ZMYM6: variants seen among roughly 807,000 people sequenced by gnomAD.
ZMYM6 encodes zinc finger MYM-type protein 6.
In ZMYM6, 90 loss-of-function variants were observed where a neutral mutation model predicts 134.0. That is an observed-to-expected ratio of 0.67 (90% CI 0.57 to 0.80). The LOEUF (loss-of-function observed/expected upper bound fraction) is 0.80, where lower values mean the gene tolerates loss of function less well. Ranked by LOEUF, ZMYM6 falls within the 30% of genes least tolerant of loss-of-function variation. The pLI is 0.00. For synonymous variants in ZMYM6, 481 were observed against 524.1 expected, an observed-to-expected ratio of 0.92 and a Z score of 1.12; for missense variants, 1,362 against 1,533.9, an observed-to-expected ratio of 0.89 and a Z score of 1.87.
intron 2 of ZMYM6, among the ~76,000 whole-genome samples, chr1:35,025,524 A>G (rs1212021137): frequency 6.6e-6 from 1 of 151,952 alleles, no homozygotes; most frequent in Non-Finnish European, 1.5e-5. Flanking sequence ...AGCAGCAGAA[A>G]GCATACAAGT....
At chr1:35,029,005 A>C (rs1273842088) in intron 2 of ZMYM6, among the ~76,000 whole-genome samples, 1 of 151,894 alleles carries the variant, frequency 6.6e-6, no homozygotes, top group Non-Finnish European at 1.5e-5. Context: ...AGCCTAGCCA[A>C]CATGGTGAAA....
chr1:34,991,277 G>A (rs968697866), intron 15 of ZMYM6, among the ~76,000 whole-genome samples: 12 of 152,176 alleles, frequency 7.9e-5, no homozygotes, highest in African/African-American at 1.2e-4. Flanking sequence ...CTCTCCATGT[G>A]TGAACGTGTA....
At chr1:35,030,309 G>A (rs1000568286) in intron 2 of ZMYM6, 11 of 460,802 alleles carry the variant, frequency 2.4e-5, no homozygotes, top group Non-Finnish European at 4.2e-5. Flanking sequence ...TGTGTGCCCT[G>A]TGGTCCCAGC....
At position 35,006,968 on chromosome 1, in the gene ZMYM6, C is replaced by T. The variant is rs1456683757; in HGVS notation, c.1796G>A (p.Cys599Tyr). ...AATTTTACCTTTATTTTGTGGAAGA[C>T]AGTCATTCATAATTTGCTGATGACA... ...EFCHQQIMND[C>Y]LPQNKVNISK... Residue 599 changes from cysteine to tyrosine, a missense_variant, in exon 12 of 16, where the codon TGT becomes TAT. Around this residue, in one of 3 missense-constraint regions of ZMYM6, gnomAD observed 824 missense variants for 940.9 expected, o/e 0.88. Coordinates refer to ENST00000357182, the MANE Select transcript of ZMYM6 (RefSeq NM_007167.4). 6.2e-7 allele frequency: 1 copy of T among 1,610,290 alleles called. No individual in the cohort carries two copies. Among genetic ancestry groups the T allele is most frequent in the Non-Finnish European group, 8.5e-7 (1 of 1,178,752 alleles).
chr1:35,014,112 T>C (rs181483077), intron 6 of ZMYM6, among the ~76,000 whole-genome samples: 30 of 152,346 alleles, frequency 2.0e-4, no homozygotes, highest in African/African-American at 6.7e-4. Flanking sequence ...ATAAAATTAC[T>C]TGAAGTATTC....
chr1:34,996,130 G>A (rs1239908393), intron 14 of ZMYM6, among the ~76,000 whole-genome samples: 1 of 151,776 alleles, frequency 6.6e-6, no homozygotes, highest in East Asian at 1.9e-4. Flanking sequence ...GTTGTTGGTG[G>A]GTCCCAAATA....
Position 35,013,637 on chromosome 1 carries a change from C to T in ZMYM6, c.796-1056G>A, listed in dbSNP as rs371780327. 33 of 985,180 alleles carry T rather than the reference C, an allele frequency of 3.3e-5. 1 individual carries two copies. The East Asian group carries it at 1.0e-3, about 30-fold the overall frequency. The allele number at this position is 985,180 out of a possible 1,614,324, so 61.0% of individuals were successfully genotyped here. A position where few individuals can be genotyped will look rare whatever the true frequency, so the allele number is the denominator to read the frequency against. On this transcript the variant is annotated intron_variant, in intron 6 of 15. Coordinates refer to ENST00000357182, the MANE Select transcript of ZMYM6 (RefSeq NM_007167.4). ...CAAAGGAAGCAACAAATCAAACTTG[C>T]TAACTGAAAAAAAGTTTAATTATCA...
chr1:35,020,471 T>TA lies in ZMYM6; in HGVS notation c.94-5dup, dbSNP rs11476047. 35,660 of 1,154,234 alleles carry TA rather than the reference T, an allele frequency of 0.031. 20 individuals are homozygous for TA. Among genetic ancestry groups the TA allele is most frequent in the Non-Finnish European group, 0.035 (29,042 of 834,660 alleles). The allele number at this position is 1,154,234 out of a possible 1,614,324, so 71.5% of individuals were successfully genotyped here. ...GCTGTTGGACACATCCATACTCCTT[T>TA]AAAAAAAAAAAGAAAAGAGAAAAGA... On this transcript the variant is annotated splice_region_variant and splice_polypyrimidine_tract_variant and intron_variant, in intron 2 of 15. Coordinates refer to ENST00000357182, the MANE Select transcript of ZMYM6 (RefSeq NM_007167.4).
chr1:34,998,140 G>A (rs1023687918), intron 14 of ZMYM6, among the ~76,000 whole-genome samples: 13 of 152,086 alleles, frequency 8.5e-5, no homozygotes, highest in African/African-American at 2.9e-4. Context: ...TTAGCCAGGC[G>A]TGGTGGCACG....
intron 8 of ZMYM6, among the ~76,000 whole-genome samples, chr1:35,011,497 G>A (rs1641085432): frequency 6.6e-6 from 1 of 152,194 alleles, no homozygotes; most frequent in Admixed American, 6.5e-5. Context: ...ACAAGTGGAT[G>A]CTTACAATTC....
rs534986476 is a variant in ZMYM6, at chr1:35,010,763, A to T, written c.1336T>A (p.Tyr446Asn). The change falls in exon 9 of 16, where the codon TAC (tyrosine) becomes AAC (asparagine). Residue 446 changes from tyrosine (Y) to asparagine (N), a missense_variant. Around this residue, in one of 3 missense-constraint regions of ZMYM6, gnomAD observed 503 missense variants for 520.8 expected, o/e 0.97. Coordinates refer to ENST00000357182, the MANE Select transcript of ZMYM6 (RefSeq NM_007167.4). ...LFATKPELLFYKGKMFLFCGK... is the reference protein window; with the variant it reads ...LFATKPELLFNKGKMFLFCGK... ...CTTTCATGATCTCTCTTTACCTTGTAAAAAAGAAGTTCTGGTTTTGTGGCA... is the reference window on the plus strand; with the variant it reads ...CTTTCATGATCTCTCTTTACCTTGTTAAAAAGAAGTTCTGGTTTTGTGGCA... 1 of 1,557,190 alleles carries T rather than the reference A, an allele frequency of 6.4e-7. No homozygotes were observed. The highest frequency in any genetic ancestry group is 1.2e-5 in the South Asian group (1 of 80,036).
At chr1:35,022,980 G>A (rs1327415406) in intron 2 of ZMYM6, among the ~76,000 whole-genome samples, 2 of 151,960 alleles carry the variant, frequency 1.3e-5, no homozygotes, top group African/African-American at 4.8e-5. Context: ...GTAAAATAAA[G>A]ATAATATTAC....
Position 35,010,903 on chromosome 1 carries a change from C to A in ZMYM6, c.1196G>T (p.Ser399Ile), listed in dbSNP as rs1464567285. Reference sequence around the variant, plus strand: ...GGCTGCAGCAGAGCCACGGATGGAGCTGGGGGAAACGGCAGAGGTGTTACC... The same window carrying A: ...GGCTGCAGCAGAGCCACGGATGGAGATGGGGGAAACGGCAGAGGTGTTACC... The part of the protein sequence containing the change: ...GGGNTSAVSP[S>I]SIRGSAAASL... Residue 399 changes from serine (S) to isoleucine (I), a missense_variant, in exon 9 of 16, where the codon AGC becomes ATC. Coordinates refer to ENST00000357182, the MANE Select transcript of ZMYM6 (RefSeq NM_007167.4). The A allele has an allele frequency of 1.2e-6, 2 of 1,613,538 alleles. No homozygotes were observed. Among genetic ancestry groups the A allele is most frequent in the Non-Finnish European group, 1.7e-6 (2 of 1,179,872 alleles).
intron 2 of ZMYM6, among the ~76,000 whole-genome samples, chr1:35,021,318 T>C (rs1278290075): frequency 6.6e-6 from 1 of 151,874 alleles, no homozygotes; most frequent in African/African-American, 2.4e-5. Context: ...TTTTTGTGTT[T>C]TTTTCCAGTA....
chr1:35,016,433 T>A (rs924893893), intron 4 of ZMYM6, among the ~76,000 whole-genome samples: 8 of 152,182 alleles, frequency 5.3e-5, no homozygotes, highest in Non-Finnish European at 7.4e-5. Context: ...GTGAGACTCC[T>A]AGAGCCAATT....
At chr1:35,001,276 T>G (rs536400070) in intron 14 of ZMYM6, among the ~76,000 whole-genome samples, 93 of 151,880 alleles carry the variant, frequency 6.1e-4, no homozygotes, top group African/African-American at 1.9e-3. Flanking sequence ...AGGTGTTTTT[T>G]TTTTTTTTTT....
rs1275742382 is a variant in ZMYM6 at position 35,015,044 on chromosome 1, T to C, written c.547A>G (p.Thr183Ala). Residue 183 changes from threonine (T) to alanine (A), a missense_variant, in exon 5 of 16, where the codon ACC becomes GCC. Thr to Ala is a moderately conservative substitution (Grantham distance 58). This residue lies in a region of ZMYM6 where 503 missense variants were observed against 520.8 expected (regional missense o/e 0.97). Coordinates refer to ENST00000357182, the MANE Select transcript of ZMYM6 (RefSeq NM_007167.4). ...SYELKKKPVV[T>A]IYTKSISTKC... is the part of the protein sequence containing the mutation. ...GTTGAAATGCTTTTGGTATATATGG[T>C]AACAACAGGTTTTTTCTTTAGCTCA... is the stretch of plus-strand genomic sequence containing the variant. The C allele has an allele frequency of 6.2e-7, 1 of 1,613,914 alleles. No homozygotes were observed. The highest frequency in any genetic ancestry group is 1.7e-5 in the Admixed American group (1 of 59,906).
At chr1:35,026,016 A>G (rs1246393944) in intron 2 of ZMYM6, among the ~76,000 whole-genome samples, 1 of 152,160 alleles carries the variant, frequency 6.6e-6, no homozygotes, top group Non-Finnish European at 1.5e-5. Context: ...GAATATAAGG[A>G]CTAAACTGCA....
At chr1:35,012,802 G>A (rs996497734) in intron 6 of ZMYM6, 1 of 985,230 alleles carries the variant, frequency 1.0e-6, no homozygotes, top group Non-Finnish European at 1.2e-6. Context: ...AGAGATCTTA[G>A]CAAACAAAAC....
Sources: allele counts gnomAD v4.1 joint callset (sites outside exome capture counted in the v4.1 genomes callset), GRCh38; gene constraint gnomAD v4.1.1; regional missense constraint gnomAD v4.1.1; transcripts MANE v1.5; gene names NCBI Gene and HGNC (gene_info 2026-07-23, HGNC 2026-07-21).